The following RBFOX1 variants were observed in gnomAD, a reference collection of about 807,000 sequenced individuals.
The protein encoded by RBFOX1 is RNA binding fox-1 homolog 1, also known as RNA binding protein fox-1 homolog 1.
A neutral mutation model predicts 57.7 loss-of-function variants in RBFOX1; 8 were observed. That is an observed-to-expected ratio of 0.14 (90% CI 0.08 to 0.25). RBFOX1 has a LOEUF of 0.25. Among genes scored for constraint, RBFOX1 ranks in the 10% least tolerant of loss-of-function variants. The probability of loss-of-function intolerance (pLI) is 1.00; values close to 1 mark genes in which losing one functional copy is unlikely to be tolerated. For synonymous variants in RBFOX1, 326 were observed against 222.4 expected, an observed-to-expected ratio of 1.47 and a Z score of -4.15; for missense variants, 611 against 548.5, an observed-to-expected ratio of 1.11 and a Z score of -1.14.
At chr16:5,583,739 C>T (rs1312351622) in intron 2 of RBFOX1, among the ~76,000 whole-genome samples, 1 of 152,148 alleles carries the variant, frequency 6.6e-6, no homozygotes, top group Non-Finnish European at 1.5e-5. Context: ...TAGGATTGTC[C>T]TATGATGTAG....
chr16:7,285,882 C>T (rs2095641725), intron 4 of RBFOX1, among the ~76,000 whole-genome samples: 1 of 152,166 alleles, frequency 6.6e-6, no homozygotes. Context: ...GATTCCATTT[C>T]TCTGAGATAA....
intron 1 of RBFOX1, among the ~76,000 whole-genome samples, chr16:6,284,060 A>T (rs74911467): frequency 0.012 from 1,865 of 152,236 alleles, 40 homozygotes; most frequent in African/African-American, 0.042. Flanking sequence ...CTTGTTTTTA[A>T]CATTATTCCA....
chr16:6,383,307 C>A (rs1442635312), intron 2 of RBFOX1, among the ~76,000 whole-genome samples: 1 of 152,200 alleles, frequency 6.6e-6, no homozygotes, highest in African/African-American at 2.4e-5. Flanking sequence ...AGTTGACTCT[C>A]CTCTTTGTCA....
chr16:5,406,072 C>A, intron 1 of RBFOX1, among the ~76,000 whole-genome samples: 1 of 152,202 alleles, frequency 6.6e-6, no homozygotes, highest in East Asian at 1.9e-4. Flanking sequence ...CAACCAAAGG[C>A]ATTCCAACTT....
chr16:5,331,958 C>G (rs1386357680), intron 1 of RBFOX1, among the ~76,000 whole-genome samples: 2 of 152,232 alleles, frequency 1.3e-5, no homozygotes, highest in Non-Finnish European at 2.9e-5. Flanking sequence ...GTGTCAAGTC[C>G]TAAGACAGAA....
rs571616518 is a variant in RBFOX1 at position 6,737,696 on chromosome 16, C to T, written c.-16+83046C>T. ...GGCTAGGCTTTTTCCTCAAAATGTC[C>T]CAGAGCCTTAGGTTGGATGAATGTC... On this transcript the variant is annotated intron_variant, in intron 3 of 15. Coordinates refer to ENST00000550418, the MANE Select transcript of RBFOX1 (RefSeq NM_018723.4). Among the ~76,000 whole-genome samples the T allele has an allele frequency of 2.0e-5, 3 of 152,034 alleles. No homozygotes were observed. The South Asian group carries it at 6.2e-4, about 32-fold the overall frequency.
chr16:6,300,860 C>G (rs1048851396), intron 1 of RBFOX1, among the ~76,000 whole-genome samples: 1 of 152,140 alleles, frequency 6.6e-6, no homozygotes, highest in African/African-American at 2.4e-5. Flanking sequence ...GCTGTGCCTT[C>G]TATTAGCTAT....
rs559489665 is a variant in RBFOX1, at chr16:7,687,526, T to A, written c.995+10688T>A. ...CAACTCTTTGGTAAGATCAGCAATA[T>A]GAATTTTAATAGGTACATCCTATCT... On this transcript the variant is annotated intron_variant, in intron 14 of 15. Coordinates refer to ENST00000550418, the MANE Select transcript of RBFOX1 (RefSeq NM_018723.4). 2.6e-5 allele frequency among the ~76,000 whole-genome samples: 4 copies of A among 152,120 alleles called. No individual in the cohort carries two copies. The South Asian group carries it at 8.3e-4, about 32-fold the overall frequency.
In RBFOX1 at chr16:5,792,476, G is replaced by A. The variant is rs529501436; in HGVS notation, c.319-74827G>A. ...GTGATAACATAAACACTCACTGAAC[G>A]CAAATGTTCTATGTAATATATACTG... On this transcript the variant is annotated intron_variant, in intron 3 of 19. Transcript: ENST00000641259. Among the ~76,000 whole-genome samples the A allele has an allele frequency of 6.6e-5, 10 of 152,252 alleles. No homozygotes were observed. The South Asian group carries it at 1.2e-3, about 19-fold the overall frequency.
chr16:7,029,134 ATATATGTGTATATATG>A (rs2042011100), intron 3 of RBFOX1, among the ~76,000 whole-genome samples: 1 of 96,642 alleles, frequency 1.0e-5, no homozygotes, highest in Admixed American at 1.1e-4. Flanking sequence ...ATACGTATAT[ATATATGTGTATATATG>A]TATATATATA....
At chr16:7,218,865 C>G (rs1481670588) in intron 4 of RBFOX1, among the ~76,000 whole-genome samples, 1 of 151,942 alleles carries the variant, frequency 6.6e-6, no homozygotes, top group African/African-American at 2.4e-5. Flanking sequence ...CCTGACTCAC[C>G]CCTCCAGCCT....
chr16:6,205,153 A>T (rs2097246125), intron 1 of RBFOX1, among the ~76,000 whole-genome samples: 1 of 152,154 alleles, frequency 6.6e-6, no homozygotes, highest in South Asian at 2.1e-4. Context: ...TTAGTGTGCT[A>T]GCAATTTGTC....
intron 4 of RBFOX1, among the ~76,000 whole-genome samples, chr16:7,258,422 T>G (rs2094783902): frequency 6.6e-6 from 1 of 152,198 alleles, no homozygotes; most frequent in Non-Finnish European, 1.5e-5. Flanking sequence ...TCTGTTTCAC[T>G]GTGTGCATTA....
At chr16:5,419,456 G>A (rs1230780008) in intron 1 of RBFOX1, among the ~76,000 whole-genome samples, 1 of 151,948 alleles carries the variant, frequency 6.6e-6, no homozygotes, top group Non-Finnish European at 1.5e-5. Context: ...CTGATTAGCT[G>A]GTGCCCACCC....
rs1346625499 is a variant in RBFOX1, at chr16:5,459,720, C to T, written c.220-7496C>T. 2.0e-5 allele frequency among the ~76,000 whole-genome samples: 3 copies of T among 152,144 alleles called. No individual in the cohort carries two copies. In the South Asian group the frequency reaches 6.2e-4, roughly 32 times the overall value. On this transcript the variant is annotated intron_variant, in intron 1 of 2. Coordinates refer to the RBFOX1 transcript ENST00000585867. Reference sequence around the variant, plus strand: ...TCCTCCCCGACTCACAGCACACATACACACATGCACGCACACACACGCTCA... The same window carrying T: ...TCCTCCCCGACTCACAGCACACATATACACATGCACGCACACACACGCTCA...
chr16:7,684,945 A>G (rs1342436500), intron 14 of RBFOX1, among the ~76,000 whole-genome samples: 1 of 152,080 alleles, frequency 6.6e-6, no homozygotes, highest in Non-Finnish European at 1.5e-5. Flanking sequence ...AATGGGGGAA[A>G]AGGAGGATTA....
intron 2 of RBFOX1, among the ~76,000 whole-genome samples, chr16:6,370,065 A>G (rs2090198212): frequency 6.6e-6 from 1 of 152,062 alleles, no homozygotes; most frequent in South Asian, 2.1e-4. Context: ...TTTTTTAAGA[A>G]CACATACGCT....
At chr16:6,323,266 AAGCC>A (rs2082014278) in intron 2 of RBFOX1, among the ~76,000 whole-genome samples, 2 of 152,150 alleles carry the variant, frequency 1.3e-5, no homozygotes, top group Non-Finnish European at 1.5e-5. Flanking sequence ...AGGAAGAGGG[AAGCC>A]CAGGCAGCAC....
intron 4 of RBFOX1, among the ~76,000 whole-genome samples, chr16:7,184,045 C>T (rs114926623): frequency 2.6e-3 from 398 of 152,082 alleles, no homozygotes; most frequent in African/African-American, 9.2e-3. Context: ...GGCCTAAAGC[C>T]CAGGAAAGTG....
Sources: allele counts gnomAD v4.1 joint callset (sites outside exome capture counted in the v4.1 genomes callset), GRCh38; gene constraint gnomAD v4.1.1; transcripts MANE v1.5; gene names NCBI Gene and HGNC (gene_info 2026-07-23, HGNC 2026-07-21).